SPINT2: variants seen among roughly 807,000 people sequenced by gnomAD.
SPINT2 encodes kunitz-type protease inhibitor 2.
In SPINT2, 18 loss-of-function variants were observed where a neutral mutation model predicts 30.1. The observed-to-expected ratio is 0.60, with a 90% CI of 0.41 to 0.89. The LOEUF is 0.89. SPINT2 is among the 40% of genes least tolerant of loss of function. The pLI is 0.00. For synonymous variants in SPINT2, 139 were observed against 137.9 expected (o/e 1.01, Z -0.05); for missense variants, 276 against 334.3 (o/e 0.83, Z 1.36).
chr19:38,266,530 GCTGGGCATGGTGGTGCACAC>G lies in SPINT2; in HGVS notation c.106+1536_106+1555del, dbSNP rs575962796. On this transcript the variant is annotated intron_variant, in intron 1 of 6. Transcript: ENST00000301244. ...GTCTCTACCAAAAATACAAAAATTA[GCTGGGCATGGTGGTGCACAC>G]CTGTAGTCCCGGCTACTCGGGAGGC... 2.2e-4 allele frequency among the ~76,000 whole-genome samples: 33 copies of G among 152,256 alleles called. 1 individual carries two copies. The South Asian group carries it at 6.6e-3, about 31-fold the overall frequency.
intron 3 of SPINT2, chr19:38,288,559 C>T (rs1968671987): frequency 1.0e-5 from 2 of 200,614 alleles, no homozygotes; most frequent in South Asian, 1.7e-4. Flanking sequence ...AGGCCATGGA[C>T]TCTGGGAGGC....
chr19:38,279,207 T>C (rs200779062), intron 1 of SPINT2, among the ~76,000 whole-genome samples: 1 of 119,854 alleles, frequency 8.3e-6, no homozygotes, highest in African/African-American at 2.7e-5. Flanking sequence ...AAAAAAAAAA[T>C]TTTTTTTTTG....
intron 1 of SPINT2, among the ~76,000 whole-genome samples, chr19:38,277,774 C>T (rs985595208): frequency 3.3e-5 from 5 of 152,176 alleles, no homozygotes; most frequent in Admixed American, 6.5e-5. Flanking sequence ...GTTCATATTT[C>T]GGATAATGTG....
intron 2 of SPINT2, among the ~76,000 whole-genome samples, chr19:38,284,256 G>C (rs1968616142): frequency 6.6e-6 from 1 of 151,940 alleles, no homozygotes; most frequent in Admixed American, 6.6e-5. Context: ...ACCACACCTT[G>C]CTCATTTTGA....
chr19:38,286,520 G>A (rs552652696), intron 2 of SPINT2, among the ~76,000 whole-genome samples: 7 of 152,290 alleles, frequency 4.6e-5, no homozygotes, highest in Admixed American at 6.5e-5. Context: ...GGCGGCTCAC[G>A]CCTGTAATCC....
At chr19:38,288,548 CA>C (rs1301449548) in intron 3 of SPINT2, 11 of 203,216 alleles carry the variant, frequency 5.4e-5, no homozygotes, top group Non-Finnish European at 1.1e-4. Flanking sequence ...GGGCAGACCT[CA>C]GGCCATGGAC....
At chr19:38,278,115 T>C (rs538648096) in intron 1 of SPINT2, among the ~76,000 whole-genome samples, 19 of 152,012 alleles carry the variant, frequency 1.2e-4, no homozygotes, top group Admixed American at 3.9e-4. Context: ...CCAGCCCATT[T>C]CCCCCCCAGC....
intron 2 of SPINT2, 142 bp from the exon 3 acceptor site, chr19:38,287,734 T>C (rs969415754): frequency 5.7e-6 from 5 of 878,504 alleles, no homozygotes; most frequent in Non-Finnish European, 9.7e-6. Flanking sequence ...ATTTCCAAGT[T>C]GTGGTCTGGC....
At chr19:38,282,124 T>C (rs1049182485) in intron 1 of SPINT2, among the ~76,000 whole-genome samples, 1 of 152,152 alleles carries the variant, frequency 6.6e-6, no homozygotes, top group African/African-American at 2.4e-5. Flanking sequence ...TTTTGCAGAG[T>C]AGCAACCTTT....
intron 1 of SPINT2, among the ~76,000 whole-genome samples, chr19:38,273,630 A>T (rs1032307554): frequency 1.3e-5 from 2 of 152,198 alleles, no homozygotes; most frequent in African/African-American, 4.8e-5. Flanking sequence ...TTTTTCCACC[A>T]GTCCCTCCCT....
chr19:38,287,821 C>T (rs1968660588), intron 2 of SPINT2, 55 bp from the exon 3 acceptor site: 2 of 1,591,762 alleles, frequency 1.3e-6, no homozygotes, highest in Non-Finnish European at 1.7e-6. Flanking sequence ...CATTCTTTGT[C>T]CCTGGCAGTC....
chr19:38,271,239 C>A (rs1303212658), intron 1 of SPINT2, among the ~76,000 whole-genome samples: 1 of 152,106 alleles, frequency 6.6e-6, no homozygotes, highest in Non-Finnish European at 1.5e-5. Context: ...TGCCTGTAAC[C>A]CCAGCACTTT....
chr19:38,291,727 G>T, intron 6 of SPINT2, 113 bp from the exon 7 acceptor site: 1 of 1,318,830 alleles, frequency 7.6e-7, no homozygotes, highest in Non-Finnish European at 1.0e-6. Context: ...GTTGGGGAGG[G>T]GCATTTGGTC....
chr19:38,275,020 C>T (rs12608697), intron 1 of SPINT2, among the ~76,000 whole-genome samples: 1 of 151,712 alleles, frequency 6.6e-6, no homozygotes, highest in Non-Finnish European at 1.5e-5. Context: ...AGCAGCTCTG[C>T]GAGCAATTTT....
intron 1 of SPINT2, among the ~76,000 whole-genome samples, chr19:38,269,136 C>T (rs970551075): frequency 4.0e-5 from 6 of 151,888 alleles, no homozygotes; most frequent in South Asian, 2.1e-4. Flanking sequence ...TCTCTCTCAT[C>T]GCCCAGTCTG....
At chr19:38,268,336 A>G (rs1404698814) in intron 1 of SPINT2, among the ~76,000 whole-genome samples, 6 of 152,188 alleles carry the variant, frequency 3.9e-5, no homozygotes, top group African/African-American at 1.2e-4. Flanking sequence ...CGTTAGGGAC[A>G]GTTACCGTCT....
At chr19:38,275,050 G>A (rs1231910206) in intron 1 of SPINT2, among the ~76,000 whole-genome samples, 1 of 152,130 alleles carries the variant, frequency 6.6e-6, no homozygotes, top group Non-Finnish European at 1.5e-5. Flanking sequence ...AAAGAGCAAA[G>A]GATAAAACGT....
intron 3 of SPINT2, 31 bp downstream of exon 3, chr19:38,287,966 G>C: frequency 2.5e-6 from 4 of 1,609,284 alleles, no homozygotes; most frequent in Non-Finnish European, 3.4e-6. Context: ...GCGATGGAGT[G>C]AGGCCACCGG....
chr19:38,282,444 A>C (rs1278114061), intron 1 of SPINT2, among the ~76,000 whole-genome samples: 1 of 152,188 alleles, frequency 6.6e-6, no homozygotes. Context: ...AGGAGCAGAC[A>C]TGGAGCCACA....
Sources: allele counts gnomAD v4.1 joint callset (sites outside exome capture counted in the v4.1 genomes callset), GRCh38; gene constraint gnomAD v4.1.1; transcripts MANE v1.5; gene names NCBI Gene and HGNC (gene_info 2026-07-23, HGNC 2026-07-21).